Variants in BAZ1B observed in about 807,000 individuals in gnomAD.
The protein encoded by BAZ1B is bromodomain adjacent to zinc finger domain 1B, also known as tyrosine-protein kinase BAZ1B.
In BAZ1B, 22 loss-of-function variants were observed where a neutral mutation model predicts 153.8. The observed-to-expected ratio is 0.14, with a 90% CI of 0.10 to 0.20. The LOEUF (loss-of-function observed/expected upper bound fraction) is 0.20. Ranked by LOEUF, BAZ1B falls within the 10% of genes least tolerant of loss-of-function variation. The probability of loss-of-function intolerance (pLI) is 1.00; values close to 1 mark genes in which losing one functional copy is unlikely to be tolerated. For missense variants in BAZ1B, 1,325 were observed against 1,799.3 expected (o/e 0.74, Z 4.77); for synonymous variants, 676 against 633.4 (o/e 1.07, Z -1.01).
intron 6 of BAZ1B, among the ~76,000 whole-genome samples, chr7:73,480,041 T>C (rs1025825063): frequency 3.3e-5 from 5 of 151,498 alleles, no homozygotes; most frequent in Non-Finnish European, 7.4e-5. Context: ...TGGTGGCGGG[T>C]GCCTGTAGTC....
chr7:73,447,374 T>C lies in BAZ1B; in HGVS notation c.3734A>G (p.Tyr1245Cys), dbSNP rs1554566914. The C allele has an allele frequency of 6.2e-7, 1 of 1,612,610 alleles. No individual in the cohort carries two copies. The highest frequency in any genetic ancestry group is 1.1e-5 in the South Asian group (1 of 90,912). ...TARRNSRGRN[Y>C]TEESASEDSE... Reference sequence around the variant, plus strand: ...GTCCTCAGAAGCAGACTCTTCAGTATAGTTCCTGTGGGTAGAAAAAATAAT... The same window carrying C: ...GTCCTCAGAAGCAGACTCTTCAGTACAGTTCCTGTGGGTAGAAAAAATAAT... Residue 1245 changes from tyrosine to cysteine, a missense_variant, in exon 16 of 20, where the codon TAT (tyrosine) becomes TGT (cysteine). Physicochemically the swap from Tyr to Cys is radical, Grantham distance 194. This residue lies in a region of BAZ1B where 271 missense variants were observed against 337.2 expected (regional missense o/e 0.80). Coordinates refer to ENST00000339594, the MANE Select transcript of BAZ1B (RefSeq NM_032408.4).
At chr7:73,448,342 C>T (rs1554567115) in intron 15 of BAZ1B, among the ~76,000 whole-genome samples, 1 of 152,172 alleles carries the variant, frequency 6.6e-6, no homozygotes, top group African/African-American at 2.4e-5. Flanking sequence ...ATAAGCTGCA[C>T]ATTTTACAAC....
At chr7:73,454,290 C>A (rs1192434374) in intron 13 of BAZ1B, among the ~76,000 whole-genome samples, 1 of 152,010 alleles carries the variant, frequency 6.6e-6, no homozygotes, top group Non-Finnish European at 1.5e-5. Flanking sequence ...CAGTGAGACC[C>A]CATCCCAAAA....
At chr7:73,476,758 TACATACAGAAATAAGTAA>T (rs1488773787) in intron 7 of BAZ1B, 92 bp downstream of exon 7, 4 of 1,486,954 alleles carry the variant, frequency 2.7e-6, no homozygotes, top group Non-Finnish European at 3.6e-6. Context: ...GCTGGGTTAT[TACATACAGAAATAAGTAA>T]ACAAACAGAG....
intron 5 of BAZ1B, among the ~76,000 whole-genome samples, chr7:73,491,193 G>A (rs1789626670): frequency 6.6e-6 from 1 of 152,060 alleles, no homozygotes; most frequent in South Asian, 2.1e-4. Context: ...GGCTGAGGCA[G>A]GAGAATCGCT....
intron 13 of BAZ1B, among the ~76,000 whole-genome samples, chr7:73,457,979 T>G (rs951534061): frequency 2.0e-5 from 3 of 152,234 alleles, no homozygotes; most frequent in Admixed American, 6.5e-5. Flanking sequence ...CTGAGTAGTA[T>G]CCTTCAAAAT....
At chr7:73,460,946 C>T (rs1788372104) in intron 12 of BAZ1B, among the ~76,000 whole-genome samples, 1 of 151,690 alleles carries the variant, frequency 6.6e-6, no homozygotes, top group Admixed American at 6.6e-5. Context: ...TATAACAAGA[C>T]CTATCTCTCT....
At chr7:73,483,824 G>GA (rs1408436422) in intron 6 of BAZ1B, among the ~76,000 whole-genome samples, 4 of 152,150 alleles carry the variant, frequency 2.6e-5, no homozygotes, top group Admixed American at 2.6e-4. Context: ...TGTGTATGTA[G>GA]AAACAGGGTC....
At chr7:73,482,168 G>A (rs1289868072) in intron 6 of BAZ1B, among the ~76,000 whole-genome samples, 1 of 152,150 alleles carries the variant, frequency 6.6e-6, no homozygotes, top group South Asian at 2.1e-4. Flanking sequence ...CATGACTCCG[G>A]GATTACTTTC....
At chr7:73,488,733 A>C (rs542745344) in intron 6 of BAZ1B, among the ~76,000 whole-genome samples, 188 of 151,810 alleles carry the variant, frequency 1.2e-3, no homozygotes, top group African/African-American at 4.4e-3. Context: ...AAAAAAAACA[A>C]AAAAAACTTA....
chr7:73,498,770 A>G (rs1402245282), intron 3 of BAZ1B, 72 bp from the exon 4 acceptor site: 1 of 1,318,922 alleles, frequency 7.6e-7, no homozygotes, highest in African/African-American at 1.5e-5. Context: ...AGAACATATC[A>G]TCCAATATAC....
intron 15 of BAZ1B, among the ~76,000 whole-genome samples, chr7:73,448,260 C>T (rs999180170): frequency 3.9e-5 from 6 of 152,144 alleles, no homozygotes; most frequent in African/African-American, 1.2e-4. Context: ...GCCGAGATCG[C>T]GCCATCGTAC....
chr7:73,441,851 G>C (rs1787629348), intron 19 of BAZ1B, 158 bp from the exon 20 acceptor site: 1 of 329,420 alleles, frequency 3.0e-6, no homozygotes, highest in African/African-American at 2.1e-5. Context: ...CTGGAGACCA[G>C]AGGGGCTTGG....
At chr7:73,444,165 G>A (rs781792797) in intron 16 of BAZ1B, 36 bp from the exon 17 acceptor site, 20 of 1,550,258 alleles carry the variant, frequency 1.3e-5, no homozygotes, top group East Asian at 2.3e-5. Flanking sequence ...AGAGAACAAC[G>A]GAAGGTGAAG....
At chr7:73,441,978 T>C in intron 19 of BAZ1B, 1 of 558,678 alleles carries the variant, frequency 1.8e-6, no homozygotes, top group South Asian at 2.4e-5. Context: ...GAAGGGAGGG[T>C]TATGGCCCTC....
At chr7:73,508,869 C>T (rs1554578193) in intron 2 of BAZ1B, among the ~76,000 whole-genome samples, 2 of 151,968 alleles carry the variant, frequency 1.3e-5, no homozygotes, top group Non-Finnish European at 2.9e-5. Flanking sequence ...AAAAATTAGC[C>T]GGCCATGGTG....
Position 73,449,836 on chromosome 7 carries a change from G to C in BAZ1B, c.3581-147C>G, listed in dbSNP as rs956054810. 1.0e-4 allele frequency: 85 copies of C among 818,600 alleles called. No homozygotes were observed. The African/African-American group carries it at 1.4e-3, about 14-fold the overall frequency. 50.7% of individuals were successfully genotyped at this position (818,600 alleles called of 1,614,324 possible). On this transcript the variant is annotated intron_variant, in intron 14 of 19. Transcript: ENST00000339594. ...CCCAGTTGTTGCTTTGTAAATGCAG[G>C]CATTTTCTAAAAAGAAATGAAGCAT...
In BAZ1B at chr7:73,521,954, C is replaced by A. The variant is rs782672175; in HGVS notation, c.-21G>T. 135 of 1,417,866 alleles carry A rather than the reference C, an allele frequency of 9.5e-5. No homozygotes were observed. Among genetic ancestry groups the A allele is most frequent in the Middle Eastern group, 4.0e-4 (2 of 5,020 alleles). The allele number at this position is 1,417,866 out of a possible 1,614,324, so 87.8% of individuals were successfully genotyped here. ...GCCATCGCGGCGGCGGCGGTGGGGA[C>A]TGGCGGCTGCTGGGGCCGGCCCCGC... On this transcript the variant is annotated 5_prime_UTR_variant, in exon 1 of 20. Coordinates refer to ENST00000339594, the MANE Select transcript of BAZ1B (RefSeq NM_032408.4).
At chr7:73,484,292 AAGAT>A (rs142355745) in intron 6 of BAZ1B, among the ~76,000 whole-genome samples, 140 of 150,828 alleles carry the variant, frequency 9.3e-4, no homozygotes, top group African/African-American at 1.9e-3. Context: ...CGGAGGGAGG[AAGAT>A]AGATAGATAG....
Sources: allele counts gnomAD v4.1 joint callset (sites outside exome capture counted in the v4.1 genomes callset), GRCh38; gene constraint gnomAD v4.1.1; regional missense constraint gnomAD v4.1.1; transcripts MANE v1.5; gene names NCBI Gene and HGNC (gene_info 2026-07-23, HGNC 2026-07-21).